MYH7B: variants seen among roughly 807,000 people sequenced by gnomAD.
MYH7B encodes myosin-7B.
MYH7B carries 205 observed loss-of-function variants against 234.5 expected under a neutral mutation model. The ratio of observed to expected loss-of-function variants is 0.87; its 90% CI spans 0.78 to 0.98. The LOEUF (loss-of-function observed/expected upper bound fraction) is 0.98, where lower values mean the gene tolerates loss of function less well. Ranked by LOEUF, MYH7B falls within the 50% of genes least tolerant of loss-of-function variation. The pLI is 0.00. For missense variants in MYH7B, 2,652 were observed against 2,633.4 expected (o/e 1.01, Z -0.15); for synonymous variants, 1,193 against 1,105.0 (o/e 1.08, Z -1.58).
At chr20:34,995,224 C>A in intron 27 of MYH7B, 112 bp from the exon 28 acceptor site, 4 of 980,992 alleles carry the variant, frequency 4.1e-6, no homozygotes, top group Non-Finnish European at 5.7e-6. Context: ...GTTCTCAGAG[C>A]ACAGCCAAAC....
intron 24 of MYH7B, among the ~76,000 whole-genome samples, chr20:34,991,743 G>A (rs368400311): frequency 1.2e-4 from 19 of 152,158 alleles, no homozygotes; most frequent in African/African-American, 4.3e-4. Context: ...AGCATCCATC[G>A]TTCCTTCTCC....
exon 35 of MYH7B, chr20:34,998,841 T>C: frequency 6.2e-7 from 1 of 1,613,256 alleles, no homozygotes; most frequent in Non-Finnish European, 8.5e-7. Context: ...CCAAGGCCAA[T>C]GCCGAGGTGG....
chr20:34,958,874 T>G (rs561813602), intron 2 of MYH7B, among the ~76,000 whole-genome samples: 2 of 152,346 alleles, frequency 1.3e-5, no homozygotes, highest in South Asian at 2.1e-4. Flanking sequence ...GTCTGTCTTG[T>G]TCACCACTTT....
exon 8 of MYH7B, chr20:34,980,707 G>C: frequency 1.9e-6 from 3 of 1,614,176 alleles, no homozygotes; most frequent in Non-Finnish European, 2.5e-6. Flanking sequence ...TGCGGTGGCG[G>C]ACAACGCCTA....
intron 2 of MYH7B, among the ~76,000 whole-genome samples, chr20:34,962,919 G>A (rs1000930420): frequency 5.3e-5 from 8 of 152,170 alleles, no homozygotes; most frequent in African/African-American, 1.9e-4. Flanking sequence ...CCAACATGGC[G>A]AAAACCCATC....
intron 2 of MYH7B, among the ~76,000 whole-genome samples, chr20:34,964,019 T>A (rs2081721562): frequency 6.6e-6 from 1 of 152,248 alleles, no homozygotes; most frequent in East Asian, 1.9e-4. Context: ...TTTATTCTCC[T>A]GTGAATGGTC....
chr20:34,977,770 T>C, intron 4 of MYH7B, 90 bp downstream of exon 4: 3 of 1,508,862 alleles, frequency 2.0e-6, no homozygotes, highest in Non-Finnish European at 2.7e-6. Context: ...GCGAGTCTTC[T>C]GAATCTGGAG....
rs747188983 is a variant in MYH7B, at chr20:35,000,608, G to A, written c.5097G>A (p.Leu1699=). Residue 1699 remains leucine (L), a synonymous_variant, in exon 39 of 45, where the codon CTG becomes CTA. Transcript: ENST00000262873. ...AGCTGGAGGAGCTGCGGGCTGCCCT[G>A]GAGCAGGGCGAGCGCAGCCGGCGAC... 46 of 1,572,066 alleles carry A rather than the reference G, an allele frequency of 2.9e-5. No homozygotes were observed. The highest frequency in any genetic ancestry group is 3.1e-5 in the Non-Finnish European group (36 of 1,162,702).
At chr20:34,968,289 T>C (rs1600408116) in intron 2 of MYH7B, among the ~76,000 whole-genome samples, 1 of 152,356 alleles carries the variant, frequency 6.6e-6, no homozygotes, top group East Asian at 1.9e-4. Flanking sequence ...TGCCTGCTCT[T>C]AAGGAGCTAA....
Position 34,997,440 on chromosome 20 carries a change from C to T in MYH7B, c.3547C>T (p.Arg1183Trp), listed in dbSNP as rs755758937. Reference sequence around the variant, plus strand: ...GGAGGCGGAGCTGGGGAGGCTGCGGCGGGAGCTGGAGGAGGCGGCGCTGCG... The same window carrying T: ...GGAGGCGGAGCTGGGGAGGCTGCGGTGGGAGCTGGAGGAGGCGGCGCTGCG... Residue 1183 changes from arginine to tryptophan, a missense_variant, in exon 32 of 45, where the codon CGG becomes TGG. Arg to Trp is a moderately radical substitution (Grantham distance 101). Transcript: ENST00000262873. 7.5e-6 allele frequency: 11 copies of T among 1,472,694 alleles called. No individual in the cohort carries two copies. Among genetic ancestry groups the T allele is most frequent in the South Asian group, 4.1e-5 (3 of 73,186 alleles). The allele number at this position is 1,472,694 out of a possible 1,614,324, so 91.2% of individuals were successfully genotyped here.
intron 27 of MYH7B, among the ~76,000 whole-genome samples, chr20:34,994,798 C>A (rs951016841): frequency 6.6e-6 from 1 of 152,384 alleles, no homozygotes. Flanking sequence ...AGCAAGCTTT[C>A]CTGCCTTCGG....
intron 2 of MYH7B, among the ~76,000 whole-genome samples, chr20:34,968,552 G>A (rs572062487): frequency 6.6e-6 from 1 of 152,202 alleles, no homozygotes; most frequent in East Asian, 1.9e-4. Context: ...CCCTGCTCGT[G>A]GTCTGTACAC....
chr20:35,001,743 A>AG (rs1185627766), intron 43 of MYH7B, among the ~76,000 whole-genome samples: 1 of 152,144 alleles, frequency 6.6e-6, no homozygotes, highest in Non-Finnish European at 1.5e-5. Flanking sequence ...GCTGCCTCTG[A>AG]GGGGTGGGGC....
intron 2 of MYH7B, among the ~76,000 whole-genome samples, chr20:34,969,185 C>T (rs1166930034): frequency 6.6e-6 from 1 of 152,158 alleles, no homozygotes; most frequent in Non-Finnish European, 1.5e-5. Flanking sequence ...TGCTTGACCT[C>T]AGGCTGAAGG....
At chr20:34,961,516 C>T (rs6060130) in intron 2 of MYH7B, among the ~76,000 whole-genome samples, 98,140 of 152,022 alleles carry the variant, frequency 0.65, 33,058 homozygotes, top group African/African-American at 0.84. Context: ...CACCATAAAA[C>T]TCCCCCTTTA....
At chr20:34,995,274 G>T in intron 27 of MYH7B, 62 bp from the exon 28 acceptor site, 3 of 1,548,404 alleles carry the variant, frequency 1.9e-6, no homozygotes, top group Non-Finnish European at 2.6e-6. Flanking sequence ...GCCTGGCCTG[G>T]TGTCTCTCTG....
chr20:34,998,955 T>G lies in MYH7B; in HGVS notation c.4190+40T>G, dbSNP rs772982901. 5.0e-6 allele frequency: 8 copies of G among 1,596,606 alleles called. No homozygotes were observed. The South Asian group carries it at 9.0e-5, about 18-fold the overall frequency. ...GGCCAGGCCACTGCCATGCAGAGCT[T>G]TATGCCTGTGCCTGAGCCCCGCTGA... On this transcript the variant is annotated intron_variant, in intron 35 of 44. Transcript: ENST00000262873.
At chr20:34,960,031 A>G (rs903288987) in intron 2 of MYH7B, among the ~76,000 whole-genome samples, 1 of 152,224 alleles carries the variant, frequency 6.6e-6, no homozygotes, top group East Asian at 1.9e-4. Context: ...ACCTTGGGAC[A>G]TGCCATGGGC....
intron 2 of MYH7B, among the ~76,000 whole-genome samples, chr20:34,974,259 G>A (rs537569382): frequency 1.7e-4 from 24 of 144,528 alleles, no homozygotes; most frequent in African/African-American, 5.5e-4. Flanking sequence ...AAGTAGAAAC[G>A]GGGTTTCATC....
Sources: allele counts gnomAD v4.1 joint callset (sites outside exome capture counted in the v4.1 genomes callset), GRCh38; gene constraint gnomAD v4.1.1; transcripts MANE v1.5; gene names NCBI Gene and HGNC (gene_info 2026-07-23, HGNC 2026-07-21).